The following NRG3 variants were observed in gnomAD, a reference collection of about 807,000 sequenced individuals.
NRG3 encodes pro-neuregulin-3, membrane-bound isoform.
NRG3 carries 31 observed loss-of-function variants against 66.9 expected under a neutral mutation model. The observed-to-expected ratio is 0.46, with a 90% CI of 0.35 to 0.63. The LOEUF is 0.63. Among genes scored for constraint, NRG3 ranks in the 20% least tolerant of loss-of-function variants. The pLI, the probability that NRG3 is intolerant of heterozygous loss-of-function variation, is 0.00. For missense variants in NRG3, 910 were observed against 878.9 expected (o/e 1.04, Z -0.45); for synonymous variants, 393 against 359.4 (o/e 1.09, Z -1.06).
intron 2 of NRG3, among the ~76,000 whole-genome samples, chr10:82,600,979 G>A (rs189233112): frequency 1.3e-5 from 2 of 151,948 alleles, no homozygotes; most frequent in Admixed American, 6.6e-5. Flanking sequence ...AGTGTCTGTT[G>A]TTCCCATCTT....
At chr10:82,541,273 T>G (rs775316911) in intron 2 of NRG3, among the ~76,000 whole-genome samples, 62 of 152,230 alleles carry the variant, frequency 4.1e-4, no homozygotes, top group Non-Finnish European at 7.8e-4. Flanking sequence ...TGCATATACG[T>G]ATATGTATAT....
chr10:82,430,202 A>G (rs531288985), intron 2 of NRG3, among the ~76,000 whole-genome samples: 1 of 151,940 alleles, frequency 6.6e-6, no homozygotes, highest in South Asian at 2.1e-4. Context: ...TTAGTTGACT[A>G]TTTTTCCACA....
chr10:82,976,643 T>TG (rs1362814298), intron 7 of NRG3, among the ~76,000 whole-genome samples: 110 of 152,290 alleles, frequency 7.2e-4, no homozygotes, highest in Non-Finnish European at 5.7e-4. Flanking sequence ...ACCTTTTTTG[T>TG]TTTCTGCCTT....
chr10:82,393,759 C>T (rs991645053), intron 2 of NRG3, among the ~76,000 whole-genome samples: 10 of 152,082 alleles, frequency 6.6e-5, no homozygotes, highest in African/African-American at 2.4e-4. Flanking sequence ...GATGTGGGCC[C>T]CTGGTCAGTT....
At chr10:82,358,644 G>A (rs1038750900) in intron 1 of NRG3, 95 bp from the exon 2 acceptor site, 16 of 1,550,896 alleles carry the variant, frequency 1.0e-5, no homozygotes, top group Non-Finnish European at 1.3e-5. Flanking sequence ...GAGCCCATGA[G>A]AAGGCCTCCA....
intron 1 of NRG3, among the ~76,000 whole-genome samples, chr10:82,052,416 A>C (rs1198686327): frequency 6.6e-6 from 1 of 152,104 alleles, no homozygotes; most frequent in Non-Finnish European, 1.5e-5. Flanking sequence ...CATTCCAAGA[A>C]CTGCACTGGT....
At chr10:82,525,106 C>T (rs1405549604) in intron 2 of NRG3, among the ~76,000 whole-genome samples, 1 of 151,644 alleles carries the variant, frequency 6.6e-6, no homozygotes, top group African/African-American at 2.4e-5. Flanking sequence ...TAGCTTATCT[C>T]GATCAATAAC....
intron 1 of NRG3, among the ~76,000 whole-genome samples, chr10:82,160,029 A>ATTGT (rs926541257): frequency 3.9e-5 from 6 of 151,974 alleles, no homozygotes; most frequent in South Asian, 4.1e-4. Flanking sequence ...AGAGTTGTTT[A>ATTGT]TTGTTTGTTT....
chr10:82,593,636 T>A (rs2047107181), intron 2 of NRG3, among the ~76,000 whole-genome samples: 1 of 152,068 alleles, frequency 6.6e-6, no homozygotes, highest in African/African-American at 2.4e-5. Context: ...TGATAATATA[T>A]ACAAAACACT....
At chr10:81,989,064 G>T (rs1043236413) in intron 1 of NRG3, among the ~76,000 whole-genome samples, 18 of 152,146 alleles carry the variant, frequency 1.2e-4, no homozygotes, top group Non-Finnish European at 7.3e-5. Context: ...TGCAGAGGTA[G>T]AATTAATCAA....
intron 1 of NRG3, among the ~76,000 whole-genome samples, chr10:82,245,923 A>C (rs970196671): frequency 1.3e-5 from 2 of 150,740 alleles, no homozygotes; most frequent in African/African-American, 2.4e-5. Context: ...CACTTTGAAA[A>C]ATTTGTGCAA....
At chr10:82,404,886 G>T (rs2087384930) in intron 2 of NRG3, among the ~76,000 whole-genome samples, 1 of 151,966 alleles carries the variant, frequency 6.6e-6, no homozygotes, top group Non-Finnish European at 1.5e-5. Context: ...TTTTTTCCCT[G>T]TCAGCATGGA....
At chr10:82,028,508 AG>A (rs1188992887) in intron 1 of NRG3, among the ~76,000 whole-genome samples, 1 of 152,030 alleles carries the variant, frequency 6.6e-6, no homozygotes, top group African/African-American at 2.4e-5. Flanking sequence ...CTCACATATG[AG>A]GTACTTAGTA....
intron 2 of NRG3, among the ~76,000 whole-genome samples, chr10:82,434,933 T>G (rs1351616535): frequency 6.6e-6 from 1 of 152,194 alleles, no homozygotes; most frequent in Non-Finnish European, 1.5e-5. Flanking sequence ...TTCCCGGTTT[T>G]GGTATCAGGA....
At chr10:82,052,607 G>T (rs2063655324) in intron 1 of NRG3, among the ~76,000 whole-genome samples, 1 of 152,234 alleles carries the variant, frequency 6.6e-6, no homozygotes, top group South Asian at 2.1e-4. Flanking sequence ...AAAATATAGA[G>T]AAATTAGAGT....
At chr10:82,909,978 T>G (rs773181623) in intron 4 of NRG3, among the ~76,000 whole-genome samples, 1 of 152,086 alleles carries the variant, frequency 6.6e-6, no homozygotes, top group South Asian at 2.1e-4. Context: ...CAGAAGTTAA[T>G]GAAAAATAGA....
At chr10:81,973,550 CT>C (rs761838486) in intron 1 of NRG3, among the ~76,000 whole-genome samples, 3 of 152,142 alleles carry the variant, frequency 2.0e-5, no homozygotes, top group Non-Finnish European at 4.4e-5. Context: ...TCCTTTTACT[CT>C]GCAACCTTGA....
At chr10:82,341,180 C>T (rs1416256888) in intron 1 of NRG3, among the ~76,000 whole-genome samples, 10 of 151,902 alleles carry the variant, frequency 6.6e-5, no homozygotes, top group African/African-American at 2.4e-4. Context: ...AGATGGGTTC[C>T]AAGATGAATG....
chr10:81,951,065 C>T (rs754357510), intron 1 of NRG3, among the ~76,000 whole-genome samples: 223 of 152,236 alleles, frequency 1.5e-3, no homozygotes, highest in Non-Finnish European at 2.8e-3. Flanking sequence ...TTGGTTAGAA[C>T]ATCAGCATTT....
Sources: allele counts gnomAD v4.1 joint callset (sites outside exome capture counted in the v4.1 genomes callset), GRCh38; gene constraint gnomAD v4.1.1; transcripts MANE v1.5; gene names NCBI Gene and HGNC (gene_info 2026-07-23, HGNC 2026-07-21).